The following SLC35F3 variants were observed in gnomAD, a reference collection of about 807,000 sequenced individuals.
The protein encoded by SLC35F3 is solute carrier family 35 member F3.
A neutral mutation model predicts 49.9 loss-of-function variants in SLC35F3; 25 were observed. The observed-to-expected ratio is 0.50, with a 90% CI of 0.37 to 0.70. SLC35F3 has a LOEUF of 0.70. Ranked by LOEUF, SLC35F3 falls within the 30% of genes least tolerant of loss-of-function variation. SLC35F3 has a pLI of 0.00. For synonymous variants in SLC35F3, 275 were observed against 265.4 expected (o/e 1.04, Z -0.35); for missense variants, 525 against 639.8 (o/e 0.82, Z 1.94).
At chr1:234,035,710 A>AGAAATATAAATATATTC (rs1371142278) in intron 2 of SLC35F3, among the ~76,000 whole-genome samples, 18 of 151,884 alleles carry the variant, frequency 1.2e-4, no homozygotes, top group Non-Finnish European at 2.5e-4. Context: ...CAACCCTTCC[A>AGAAATATAAATATATTC]CTGAGTTATA....
chr1:234,288,829 T>C (rs1166245281), intron 3 of SLC35F3, among the ~76,000 whole-genome samples: 2 of 152,062 alleles, frequency 1.3e-5, no homozygotes, highest in African/African-American at 4.8e-5. Flanking sequence ...GCTTCAAAAA[T>C]TATCATGCCT....
intron 2 of SLC35F3, among the ~76,000 whole-genome samples, chr1:234,065,997 C>A (rs776323623): frequency 6.6e-6 from 1 of 152,148 alleles, no homozygotes; most frequent in Non-Finnish European, 1.5e-5. Context: ...AGAGCCAAAT[C>A]GGTTCCATCC....
intron 2 of SLC35F3, among the ~76,000 whole-genome samples, chr1:233,994,196 T>C (rs1663418928): frequency 6.6e-6 from 1 of 152,140 alleles, no homozygotes; most frequent in Non-Finnish European, 1.5e-5. Context: ...ATATTAATGA[T>C]AGATAGATAA....
At chr1:233,912,787 T>C (rs759598306) in intron 2 of SLC35F3, among the ~76,000 whole-genome samples, 5 of 152,212 alleles carry the variant, frequency 3.3e-5, no homozygotes, top group African/African-American at 4.8e-5. Context: ...TGGCACACAA[T>C]TCAAAACTTG....
chr1:234,015,444 C>A (rs1381353648), intron 2 of SLC35F3, among the ~76,000 whole-genome samples: 1 of 151,478 alleles, frequency 6.6e-6, no homozygotes, highest in Non-Finnish European at 1.5e-5. Context: ...CAGTGTGATA[C>A]TGGCATAAAA....
intron 2 of SLC35F3, among the ~76,000 whole-genome samples, chr1:234,184,385 G>A (rs925307869): frequency 1.3e-5 from 2 of 152,200 alleles, no homozygotes; most frequent in Non-Finnish European, 2.9e-5. Flanking sequence ...TGACAAAACA[G>A]TGGCTTCTGG....
chr1:234,304,074 T>TCTTCCTTC (rs371955402), intron 3 of SLC35F3, among the ~76,000 whole-genome samples: 1 of 22,942 alleles, frequency 4.4e-5, no homozygotes, highest in African/African-American at 2.1e-4. Flanking sequence ...TTCCTTCCTT[T>TCTTCCTTC]CTTCCTTCCT....
intron 2 of SLC35F3, among the ~76,000 whole-genome samples, chr1:233,984,328 T>G (rs146027758): frequency 1.3e-4 from 20 of 152,322 alleles, no homozygotes; most frequent in African/African-American, 4.6e-4. Context: ...GGACCAGATA[T>G]GCACACCGAG....
chr1:234,182,399 T>TC (rs1666572374), intron 2 of SLC35F3, among the ~76,000 whole-genome samples: 1 of 152,236 alleles, frequency 6.6e-6, no homozygotes, highest in African/African-American at 2.4e-5. Context: ...GAGCCCTGTG[T>TC]CTTTCAGTAA....
At chr1:233,987,729 C>G (rs1051783746) in intron 2 of SLC35F3, among the ~76,000 whole-genome samples, 4 of 152,142 alleles carry the variant, frequency 2.6e-5, no homozygotes, top group African/African-American at 7.2e-5. Flanking sequence ...TCCCTCTTCT[C>G]TCTCTCTGGA....
chr1:234,241,737 A>T (rs1489916062), intron 3 of SLC35F3, among the ~76,000 whole-genome samples: 1 of 71,294 alleles, frequency 1.4e-5, no homozygotes, highest in African/African-American at 1.3e-4. Flanking sequence ...CTCTGTCTCA[A>T]AAAAAAAAAA....
At chr1:234,310,568 C>CT (rs1302554146) in intron 4 of SLC35F3, among the ~76,000 whole-genome samples, 1 of 152,212 alleles carries the variant, frequency 6.6e-6, no homozygotes, top group African/African-American at 2.4e-5. Context: ...GCAGATACTT[C>CT]TCACAGTGAG....
At chr1:234,142,745 A>G (rs995222847) in intron 2 of SLC35F3, among the ~76,000 whole-genome samples, 8 of 151,986 alleles carry the variant, frequency 5.3e-5, no homozygotes, top group African/African-American at 1.9e-4. Flanking sequence ...TGTATTAAAT[A>G]TGGCCCTTTT....
intron 2 of SLC35F3, among the ~76,000 whole-genome samples, chr1:234,089,248 A>G (rs902036181): frequency 2.0e-5 from 3 of 152,252 alleles, no homozygotes; most frequent in Non-Finnish European, 4.4e-5. Flanking sequence ...CAGACAGACC[A>G]TAAAGTCCTC....
At chr1:233,961,418 C>T (rs1193908643) in intron 2 of SLC35F3, among the ~76,000 whole-genome samples, 8 of 149,406 alleles carry the variant, frequency 5.4e-5, no homozygotes, top group Admixed American at 2.7e-4. Context: ...TCCCGACTGA[C>T]GTGTCCTCAT....
At chr1:234,135,556 G>A (rs988383114) in intron 2 of SLC35F3, among the ~76,000 whole-genome samples, 1 of 152,174 alleles carries the variant, frequency 6.6e-6, no homozygotes, top group African/African-American at 2.4e-5. Context: ...TACAGCAACA[G>A]GATACAAAGT....
At chr1:234,067,142 G>A (rs1664633958) in intron 2 of SLC35F3, among the ~76,000 whole-genome samples, 1 of 151,062 alleles carries the variant, frequency 6.6e-6, no homozygotes, top group African/African-American at 2.4e-5. Context: ...TAAGTATATT[G>A]CAGAGGCAAT....
chr1:234,016,212 T>A (rs1186722802), intron 2 of SLC35F3, among the ~76,000 whole-genome samples: 1 of 152,200 alleles, frequency 6.6e-6, no homozygotes, highest in Non-Finnish European at 1.5e-5. Flanking sequence ...TGTGAATTAG[T>A]ACAGCCACTA....
intron 2 of SLC35F3, among the ~76,000 whole-genome samples, chr1:234,030,253 G>A (rs566605235): frequency 2.6e-5 from 4 of 152,262 alleles, no homozygotes; most frequent in South Asian, 4.2e-4. Context: ...TCATCCTATG[G>A]ATTAGCCTTC....
Sources: allele counts gnomAD v4.1 joint callset (sites outside exome capture counted in the v4.1 genomes callset), GRCh38; gene constraint gnomAD v4.1.1; transcripts MANE v1.5; gene names NCBI Gene and HGNC (gene_info 2026-07-23, HGNC 2026-07-21).